Variants in RSPH14 observed in about 807,000 individuals in gnomAD.
The protein encoded by RSPH14 is radial spoke head 14 homolog.
A neutral mutation model predicts 26.7 loss-of-function variants in RSPH14; 20 were observed. The ratio of observed to expected loss-of-function variants is 0.75; its 90% confidence interval spans 0.53 to 1.09. The LOEUF is 1.09. RSPH14 is among the 50% of genes least tolerant of loss of function. RSPH14 has a pLI of 0.00. For missense variants in RSPH14, 449 were observed against 457.2 expected (o/e 0.98, Z 0.16); for synonymous variants, 177 against 189.3 (o/e 0.93, Z 0.53).
chr22:23,114,793 C>T (rs540374131), intron 4 of RSPH14, among the ~76,000 whole-genome samples: 15 of 152,316 alleles, frequency 9.8e-5, no homozygotes, highest in Admixed American at 2.6e-4. Context: ...GCTGCCACAC[C>T]GGCTCCAGCA....
intron 4 of RSPH14, among the ~76,000 whole-genome samples, chr22:23,110,951 TGG>T (rs1039930917): frequency 1.3e-5 from 2 of 152,186 alleles, no homozygotes; most frequent in African/African-American, 4.8e-5. Flanking sequence ...CTTGTCCACT[TGG>T]GGTCAGCGAC....
intron 4 of RSPH14, among the ~76,000 whole-genome samples, chr22:23,083,243 T>C (rs1457124658): frequency 2.0e-5 from 3 of 151,342 alleles, no homozygotes; most frequent in African/African-American, 7.3e-5. Context: ...CCTGGGGTAT[T>C]GGGGGTAGTA....
At chr22:23,069,650 C>T (rs1461172746) in intron 4 of RSPH14, among the ~76,000 whole-genome samples, 1 of 152,166 alleles carries the variant, frequency 6.6e-6, no homozygotes, top group Non-Finnish European at 1.5e-5. Flanking sequence ...CTCCCAAGGC[C>T]ACCCTTCCGT....
the RSPH14 span, chr22:23,152,382 C>A: frequency 2.1e-6 from 3 of 1,458,658 alleles, no homozygotes; most frequent in Non-Finnish European, 2.9e-6. Context: ...GCAGAGAGCT[C>A]AGGGAAGGAA....
intron 4 of RSPH14, among the ~76,000 whole-genome samples, chr22:23,073,627 G>T (rs918573907): frequency 1.3e-5 from 2 of 152,250 alleles, no homozygotes; most frequent in Admixed American, 1.3e-4. Flanking sequence ...CGCCAGGGGA[G>T]GCGCTTCACA....
intron 4 of RSPH14, among the ~76,000 whole-genome samples, chr22:23,110,877 G>A (rs559351767): frequency 1.3e-5 from 2 of 152,286 alleles, no homozygotes; most frequent in African/African-American, 2.4e-5. Flanking sequence ...GCGAGCACAC[G>A]GGGCAACTCA....
At chr22:23,138,784 C>G in intron 3 of RSPH14, 56 bp downstream of exon 3, 1 of 1,439,878 alleles carries the variant, frequency 6.9e-7, no homozygotes, top group East Asian at 2.5e-5. Flanking sequence ...GTGCATCCAC[C>G]CAGGGGAGAA....
intron 4 of RSPH14, among the ~76,000 whole-genome samples, chr22:23,091,420 G>A (rs961745132): frequency 9.5e-4 from 116 of 121,738 alleles, no homozygotes; most frequent in African/African-American, 3.3e-3. Context: ...ACATGCACAC[G>A]CACCACAATG....
intron 4 of RSPH14, among the ~76,000 whole-genome samples, chr22:23,105,052 G>A (rs1294790972): frequency 2.0e-5 from 3 of 152,216 alleles, no homozygotes; most frequent in Non-Finnish European, 4.4e-5. Context: ...ACCTCGTGGT[G>A]GACATGTCCT....
At chr22:23,167,214 C>T in the RSPH14 span, among the ~76,000 whole-genome samples, 2 of 152,196 alleles carry the variant, frequency 1.3e-5, no homozygotes, top group African/African-American at 4.8e-5. Context: ...CCCCAGCACA[C>T]TGCCACCCAG....
chr22:23,110,944 G>A (rs912742262), intron 4 of RSPH14, among the ~76,000 whole-genome samples: 4 of 152,206 alleles, frequency 2.6e-5, no homozygotes, highest in Non-Finnish European at 5.9e-5. Flanking sequence ...CTGTCCTCTT[G>A]TCCACTTGGG....
intron 4 of RSPH14, among the ~76,000 whole-genome samples, chr22:23,085,768 G>A (rs528526841): frequency 7.9e-5 from 12 of 152,240 alleles, no homozygotes; most frequent in Non-Finnish European, 1.5e-4. Context: ...CAGGAGGCAC[G>A]GGCAGTGGGG....
In RSPH14 at chr22:23,061,856, T is replaced by G. The variant is rs769355704; in HGVS notation, c.743A>C (p.Lys248Thr). 1.2e-6 allele frequency: 2 copies of G among 1,614,126 alleles called. No homozygotes were observed. Reference protein sequence around the residue: ...HLLKDPVEHVKSNAAGALMFA... With the variant: ...HLLKDPVEHVTSNAAGALMFA... Reference sequence around the variant, plus strand: ...CATCAGGGCACCGGCAGCGTTAGACTTCACATGCTCCACTGGGTCTTTCAG... The same window carrying G: ...CATCAGGGCACCGGCAGCGTTAGACGTCACATGCTCCACTGGGTCTTTCAG... The change falls in exon 6 of 7, where the codon AAG (lysine) becomes ACG (threonine). Residue 248 changes from lysine (K) to threonine (T), a missense_variant. Coordinates refer to ENST00000216036, the MANE Select transcript of RSPH14 (RefSeq NM_014433.3).
At chr22:23,160,867 G>A in the RSPH14 span, 8 of 1,611,702 alleles carry the variant, frequency 5.0e-6, no homozygotes, top group African/African-American at 2.7e-5. Context: ...CGGCTGTCTT[G>A]TGGGCCCACA....
the RSPH14 span, chr22:23,161,007 A>G: frequency 6.3e-7 from 1 of 1,596,200 alleles, no homozygotes; most frequent in African/African-American, 1.3e-5. Context: ...CCGTGAGTAT[A>G]GGTGTGACTG....
At chr22:23,145,419 G>T (rs571546121), upstream of RSPH14, 9 of 1,610,394 alleles carry the variant, frequency 5.6e-6, no homozygotes, top group African/African-American at 1.2e-4. Context: ...CCAGTCCAAC[G>T]CAGACCCCGC....
upstream of RSPH14, chr22:23,145,511 G>T: frequency 1.2e-6 from 2 of 1,605,560 alleles, no homozygotes; most frequent in Non-Finnish European, 1.7e-6. Context: ...GGCTCAGGCG[G>T]ACCAGGCCGC....
chr22:23,142,882 T>C (rs1189562830), upstream of RSPH14, among the ~76,000 whole-genome samples: 1 of 152,194 alleles, frequency 6.6e-6, no homozygotes, highest in Non-Finnish European at 1.5e-5. Context: ...CTCCAGTCCC[T>C]GGGTGATGGC....
chr22:23,180,200 A>G, the RSPH14 span: 1 of 224,112 alleles, frequency 4.5e-6, no homozygotes, highest in Non-Finnish European at 8.9e-6. Context: ...AGGGGAGCCA[A>G]GTGTTCCTGT....
Sources: allele counts gnomAD v4.1 joint callset (sites outside exome capture counted in the v4.1 genomes callset), GRCh38; gene constraint gnomAD v4.1.1; transcripts MANE v1.5; gene names NCBI Gene and HGNC (gene_info 2026-07-23, HGNC 2026-07-21).